Variants in ZC4H2 observed in about 807,000 individuals in gnomAD.
The protein encoded by ZC4H2 is zinc finger C4H2 domain-containing protein.
For missense variants in ZC4H2, 137 were observed against 173.9 expected, an observed-to-expected ratio of 0.79 and a Z score of 1.19; for synonymous variants, 84 against 66.3, an observed-to-expected ratio of 1.27 and a Z score of -1.30.
intron 1 of ZC4H2, among the ~76,000 whole-genome samples, chrX:64,935,462 T>A (rs1480060813): frequency 8.9e-6 from 1 of 112,022 alleles, no homozygotes; most frequent in Non-Finnish European, 1.9e-5. Flanking sequence ...CAGCACAGCA[T>A]TCAAGCTCTG....
chrX:65,024,855 G>T (rs2147294473), intron 1 of ZC4H2, among the ~76,000 whole-genome samples: 1 of 111,547 alleles, frequency 9.0e-6, no homozygotes, highest in Non-Finnish European at 1.9e-5. Flanking sequence ...AGACATGAAT[G>T]TAACCATGAG....
intron 1 of ZC4H2, among the ~76,000 whole-genome samples, chrX:64,951,212 G>A (rs1930809291): frequency 8.9e-6 from 1 of 112,248 alleles, no homozygotes; most frequent in East Asian, 2.8e-4. Flanking sequence ...GTCATTGTTG[G>A]ACATTTGGCT....
chrX:65,001,405 G>T (rs1932532110), intron 1 of ZC4H2, among the ~76,000 whole-genome samples: 1 of 111,987 alleles, frequency 8.9e-6, no homozygotes, highest in Non-Finnish European at 1.9e-5. Context: ...GAGAGATTTT[G>T]TCACTACTAG....
At position 64,954,383 on chromosome X, in the gene ZC4H2, T is replaced by A. The variant is rs866113596; in HGVS notation, c.53+21942A>T. Among the ~76,000 whole-genome samples the A allele has an allele frequency of 2.7e-5, 2 of 74,872 alleles. 1 individual carries two copies. Among genetic ancestry groups the A allele is most frequent in the African/African-American group, 2.1e-4 (2 of 9,574 alleles). The allele number at this position is 74,872 out of a possible 115,157, so 65.0% of individuals were successfully genotyped here. On this transcript the variant is annotated intron_variant, in intron 1 of 4. Transcript: ENST00000374839. ...ATATATATATATATAATTATATATA[T>A]TTATAATTATATATATATATGCTCA...
chrX:64,947,845 C>CTT (rs755382195), intron 1 of ZC4H2, among the ~76,000 whole-genome samples: 3 of 100,906 alleles, frequency 3.0e-5, no homozygotes, highest in South Asian at 4.3e-4. Flanking sequence ...TGTCACTTCT[C>CTT]TTTTTTTTTT....
chrX:64,930,827 T>G (rs1241860429), intron 1 of ZC4H2, among the ~76,000 whole-genome samples: 1 of 111,591 alleles, frequency 9.0e-6, no homozygotes, highest in Non-Finnish European at 1.9e-5. Flanking sequence ...GTAGCGTTTT[T>G]GGTTGTGTTC....
intron 1 of ZC4H2, among the ~76,000 whole-genome samples, chrX:64,943,935 T>C (rs1254804013): frequency 9.0e-6 from 1 of 110,867 alleles, no homozygotes; most frequent in African/African-American, 3.3e-5. Context: ...TCATTGGTTT[T>C]TGTATTTTGG....
At chrX:64,957,171 T>G (rs1445828342) in intron 1 of ZC4H2, among the ~76,000 whole-genome samples, 1 of 112,408 alleles carries the variant, frequency 8.9e-6, no homozygotes, top group East Asian at 2.8e-4. Context: ...ACTCATACAC[T>G]GCTGAGGGTT....
chrX:65,006,260 G>A (rs1441371165), intron 1 of ZC4H2, among the ~76,000 whole-genome samples: 4 of 111,460 alleles, frequency 3.6e-5, no homozygotes, highest in Non-Finnish European at 5.6e-5. Flanking sequence ...GCATGCACAC[G>A]TATATTTATT....
intron 1 of ZC4H2, among the ~76,000 whole-genome samples, chrX:65,011,980 C>T (rs1932758432): frequency 9.1e-6 from 1 of 109,672 alleles, no homozygotes; most frequent in Non-Finnish European, 1.9e-5. Flanking sequence ...TCCCAAAGTG[C>T]TGGGATTACA....
At position 64,953,608 on chromosome X, in the gene ZC4H2, A is replaced by T. The variant is rs1219070714; in HGVS notation, c.53+22717T>A. 2.7e-5 allele frequency among the ~76,000 whole-genome samples: 3 copies of T among 112,368 alleles called. No homozygotes were observed. In the Admixed American group the frequency reaches 2.8e-4, roughly 11 times the overall value. On this transcript the variant is annotated intron_variant, in intron 1 of 4. Transcript: ENST00000374839. ...ACTGGCCATCAGAGAAATGCAAATC[A>T]AAACCACAATGAGATAGCATCTCAC...
intron 1 of ZC4H2, among the ~76,000 whole-genome samples, chrX:64,967,220 C>T (rs1425380511): frequency 9.0e-6 from 1 of 111,475 alleles, no homozygotes; most frequent in Non-Finnish European, 1.9e-5. Context: ...CTATGGTCTT[C>T]AGGATTTGCA....
intron 1 of ZC4H2, among the ~76,000 whole-genome samples, chrX:64,983,044 A>G (rs1160850074): frequency 2.7e-5 from 3 of 111,340 alleles, no homozygotes; most frequent in Non-Finnish European, 3.8e-5. Context: ...TATATCACGT[A>G]TAATTGCCCA....
chrX:64,950,650 A>G (rs149874826), intron 1 of ZC4H2, among the ~76,000 whole-genome samples: 9,126 of 110,302 alleles, frequency 0.083, 1,035 homozygotes, highest in African/African-American at 0.29. Context: ...AGTCTGTTTT[A>G]TCAGAGACTA....
chrX:64,979,292 C>G (rs1217101715), upstream of ZC4H2, among the ~76,000 whole-genome samples: 2 of 112,204 alleles, frequency 1.8e-5, no homozygotes, highest in African/African-American at 6.5e-5. Flanking sequence ...AAGGTGCACT[C>G]CAATATAGGG....
intron 1 of ZC4H2, among the ~76,000 whole-genome samples, chrX:64,990,044 A>T (rs978245535): frequency 1.8e-5 from 2 of 112,080 alleles, no homozygotes; most frequent in African/African-American, 6.5e-5. Flanking sequence ...TTTACCCCAG[A>T]AAAAAGTGAA....
chrX:65,009,358 G>A (rs1396204620), intron 1 of ZC4H2, among the ~76,000 whole-genome samples: 1 of 110,607 alleles, frequency 9.0e-6, no homozygotes, highest in Non-Finnish European at 1.9e-5. Flanking sequence ...TCTCTCAGAA[G>A]TTGCAAGCCT....
chrX:64,952,871 C>G (rs767087435), intron 1 of ZC4H2, among the ~76,000 whole-genome samples: 28 of 111,429 alleles, frequency 2.5e-4, no homozygotes, highest in Admixed American at 2.2e-3. Flanking sequence ...CAAGTCAACC[C>G]TAAGCCAAAA....
At chrX:64,976,045 C>T (rs904582654) in intron 1 of ZC4H2, among the ~76,000 whole-genome samples, 1 of 111,568 alleles carries the variant, frequency 9.0e-6, no homozygotes, top group Non-Finnish European at 1.9e-5. Context: ...AAAACGTGTC[C>T]ATGAATGCAG....
Sources: allele counts gnomAD v4.1 joint callset (sites outside exome capture counted in the v4.1 genomes callset), GRCh38; gene constraint gnomAD v4.1.1; transcripts MANE v1.5; gene names NCBI Gene and HGNC (gene_info 2026-07-23, HGNC 2026-07-21).